NME5: variants seen among roughly 807,000 people sequenced by gnomAD.
NME5 encodes nucleoside diphosphate kinase 5.
In NME5, 18 loss-of-function variants were observed where a neutral mutation model predicts 21.6. The ratio of observed to expected loss-of-function variants is 0.83; its 90% confidence interval spans 0.58 to 1.24. The LOEUF is 1.24. Among genes scored for constraint, NME5 ranks in the 50% most tolerant of loss-of-function variants. NME5 has a pLI of 0.00. For missense variants in NME5, 223 were observed against 255.4 expected (o/e 0.87, Z 0.86); for synonymous variants, 70 against 80.6 (o/e 0.87, Z 0.71).
chr5:138,120,189 T>A (rs1751252253), intron 4 of NME5, among the ~76,000 whole-genome samples: 1 of 150,102 alleles, frequency 6.7e-6, no homozygotes, highest in South Asian at 2.1e-4. Context: ...CTCAGCCTCC[T>A]GAATAGCTGG....
At chr5:138,123,373 C>A (rs984594764) in intron 4 of NME5, among the ~76,000 whole-genome samples, 1 of 152,084 alleles carries the variant, frequency 6.6e-6, no homozygotes, top group Middle Eastern at 3.4e-3. Flanking sequence ...CATTTCCATC[C>A]CCTACTCTCT....
At chr5:138,135,900 T>C (rs934944411) in intron 2 of NME5, among the ~76,000 whole-genome samples, 2 of 152,246 alleles carry the variant, frequency 1.3e-5, no homozygotes, top group Non-Finnish European at 2.9e-5. Flanking sequence ...ACTTTGTCTC[T>C]ATCACAAAAG....
At chr5:138,123,638 A>G (rs1171586693) in intron 4 of NME5, among the ~76,000 whole-genome samples, 1 of 152,170 alleles carries the variant, frequency 6.6e-6, no homozygotes, top group Non-Finnish European at 1.5e-5. Context: ...GGTTGATTCC[A>G]TATCTTGGTT....
At chr5:138,125,658 A>T (rs1199932339) in intron 4 of NME5, among the ~76,000 whole-genome samples, 1 of 152,182 alleles carries the variant, frequency 6.6e-6, no homozygotes, top group African/African-American at 2.4e-5. Context: ...TCTGTCACCC[A>T]GGCTGGAGTA....
chr5:138,128,740 CTAGAT>C (rs1355948326), intron 3 of NME5, 161 bp from the exon 4 acceptor site: 22 of 533,662 alleles, frequency 4.1e-5, no homozygotes, highest in Non-Finnish European at 7.2e-5. Context: ...GCTTATCTAT[CTAGAT>C]AAGGATCAAA....
chr5:138,127,620 T>G (rs1166223606), intron 4 of NME5: 1 of 984,644 alleles, frequency 1.0e-6, no homozygotes, highest in Non-Finnish European at 1.2e-6. Flanking sequence ...AAATTTTATT[T>G]CTGCTCTAAA....
At chr5:138,124,982 G>A (rs1203401028) in intron 4 of NME5, among the ~76,000 whole-genome samples, 1 of 152,128 alleles carries the variant, frequency 6.6e-6, no homozygotes, top group African/African-American at 2.4e-5. Context: ...GGAGCACTCT[G>A]GTGCCATCAC....
chr5:138,121,756 A>G (rs1158521267), intron 4 of NME5, among the ~76,000 whole-genome samples: 1 of 152,156 alleles, frequency 6.6e-6, no homozygotes, highest in Admixed American at 6.6e-5. Flanking sequence ...TCTTTTCTAA[A>G]ATTGAATTAT....
chr5:138,138,843 T>C (rs1213140027), intron 1 of NME5, 58 bp from the exon 2 acceptor site: 2 of 1,500,994 alleles, frequency 1.3e-6, no homozygotes, highest in African/African-American at 2.8e-5. Flanking sequence ...TGACATGCAT[T>C]TCCCCCCACC....
intron 4 of NME5, among the ~76,000 whole-genome samples, chr5:138,126,389 G>A (rs1751425538): frequency 1.3e-5 from 2 of 151,356 alleles, no homozygotes; most frequent in Non-Finnish European, 2.9e-5. Flanking sequence ...TGCACACCTG[G>A]GGTTCCACCT....
At chr5:138,124,860 T>C (rs1287966304) in intron 4 of NME5, among the ~76,000 whole-genome samples, 1 of 152,118 alleles carries the variant, frequency 6.6e-6, no homozygotes, top group South Asian at 2.1e-4. Flanking sequence ...AAGAGTGTTT[T>C]CATGTTTCTT....
intron 3 of NME5, 42 bp downstream of exon 3, chr5:138,129,221 A>G: frequency 1.5e-6 from 2 of 1,326,684 alleles, no homozygotes; most frequent in Non-Finnish European, 1.1e-6. Flanking sequence ...ATTTTCACAG[A>G]TGGATTCCAT....
chr5:138,135,848 C>T (rs1751686882), intron 2 of NME5, among the ~76,000 whole-genome samples: 1 of 152,110 alleles, frequency 6.6e-6, no homozygotes, highest in African/African-American at 2.4e-5. Context: ...GTTTATTTCC[C>T]CAGAATTCCA....
intron 2 of NME5, among the ~76,000 whole-genome samples, chr5:138,135,203 A>C (rs1245426731): frequency 3.5e-5 from 5 of 144,588 alleles, no homozygotes; most frequent in Non-Finnish European, 7.6e-5. Flanking sequence ...CTGTAGTCCC[A>C]GCTACTCGGG....
At chr5:138,128,685 A>G (rs1043857502) in intron 3 of NME5, 106 bp from the exon 4 acceptor site, 3 of 675,812 alleles carry the variant, frequency 4.4e-6, no homozygotes, top group Non-Finnish European at 7.5e-6. Context: ...CACTTCTTAC[A>G]TATGAAAGCT....
chr5:138,129,935 C>T (rs544797011), intron 2 of NME5, among the ~76,000 whole-genome samples: 5 of 152,246 alleles, frequency 3.3e-5, no homozygotes, highest in African/African-American at 7.2e-5. Context: ...CCAGCCCGGG[C>T]GACAGAGAAA....
At chr5:138,123,048 C>CA (rs1665080615) in intron 4 of NME5, 1 of 152,058 alleles carries the variant, frequency 6.6e-6, no homozygotes, top group African/African-American at 2.4e-5. Context: ...GTCATCCTTG[C>CA]ATAGGGGCCA....
chr5:138,130,951 T>A (rs1428268683), intron 2 of NME5, among the ~76,000 whole-genome samples: 1 of 144,694 alleles, frequency 6.9e-6, no homozygotes, highest in Non-Finnish European at 1.5e-5. Flanking sequence ...AAAAATTAGG[T>A]CGGGTGTGGT....
At chr5:138,128,872 A>G (rs893420325) in intron 3 of NME5, among the ~76,000 whole-genome samples, 2 of 152,188 alleles carry the variant, frequency 1.3e-5, no homozygotes, top group African/African-American at 2.4e-5. Flanking sequence ...CAAGAACTCA[A>G]TATCTTCTTG....
Sources: gnomAD v4.1 joint callset for allele counts (sites outside exome capture counted in the v4.1 genomes callset) on GRCh38, gnomAD v4.1.1 for gene constraint, MANE v1.5 for transcripts, NCBI Gene and HGNC (gene_info 2026-07-23, HGNC 2026-07-21) for gene names.